The following ROBO1 variants were observed in gnomAD, a reference collection of about 807,000 sequenced individuals.
ROBO1 encodes the protein roundabout homolog 1.
In ROBO1, 149 loss-of-function variants were observed where a neutral mutation model predicts 195.9. That is an observed-to-expected ratio of 0.76 (90% CI 0.67 to 0.87). The LOEUF (loss-of-function observed/expected upper bound fraction) is 0.87, where lower values mean the gene tolerates loss of function less well. Ranked by LOEUF, ROBO1 falls within the 40% of genes least tolerant of loss-of-function variation. The probability of loss-of-function intolerance (pLI) is 0.00; values close to 1 mark genes in which losing one functional copy is unlikely to be tolerated. For synonymous variants in ROBO1, 816 were observed against 733.2 expected (o/e 1.11, Z -1.82); for missense variants, 1,933 against 2,068.3 (o/e 0.93, Z 1.27).
chr3:79,316,397 G>T (rs533700967), intron 2 of ROBO1, among the ~76,000 whole-genome samples: 1 of 152,256 alleles, frequency 6.6e-6, no homozygotes, highest in Admixed American at 6.5e-5. Flanking sequence ...TATTTAATGG[G>T]AATGATTTTC....
At chr3:78,730,273 A>AGAG (rs1356039632) in intron 5 of ROBO1, among the ~76,000 whole-genome samples, 36 of 125,912 alleles carry the variant, frequency 2.9e-4, no homozygotes, top group South Asian at 1.1e-3. Context: ...TCACTACCAA[A>AGAG]TGCTTGCTAA....
chr3:79,276,730 G>C (rs1559784088), intron 2 of ROBO1, among the ~76,000 whole-genome samples: 2 of 151,940 alleles, frequency 1.3e-5, no homozygotes, highest in African/African-American at 2.4e-5. Context: ...CATCTGACAA[G>C]GGATTAATAA....
In ROBO1 at chr3:78,685,912, T is replaced by G; in HGVS notation, c.1176A>C (p.Leu392=). The G allele has an allele frequency of 6.3e-7, 1 of 1,585,494 alleles. No homozygotes were observed. Among genetic ancestry groups the G allele is most frequent in the African/African-American group, 1.3e-5 (1 of 74,568 alleles). The change falls in exon 10 of 31, where the codon CTA becomes CTC. Residue 392 remains leucine, a synonymous_variant. Coordinates refer to ENST00000464233, the MANE Select transcript of ROBO1 (RefSeq NM_002941.4). ...ACTGTGGTGGTTGATATGAGAAAAG[T>G]AGATTCTAGAACCCAGAAATTGGGA... is the stretch of plus-strand genomic sequence containing the variant. ...IFWRREGSQN[L]LFSYQPPQSS...
In ROBO1 at chr3:78,835,995, A is replaced by T. The variant is rs186758116; in HGVS notation, c.500-89095T>A. 1.5e-3 allele frequency among the ~76,000 whole-genome samples: 229 copies of T among 152,314 alleles called. 1 individual carries two copies. Among genetic ancestry groups the T allele is most frequent in the Admixed American group, 2.7e-3 (41 of 15,304 alleles). ...CAAATGTATAGTACACAAATTAGTGATGTGGGATTTTAGTAAAATCAAATG... is the reference window on the plus strand; with the variant it reads ...CAAATGTATAGTACACAAATTAGTGTTGTGGGATTTTAGTAAAATCAAATG... On this transcript the variant is annotated intron_variant, in intron 4 of 30. Transcript: ENST00000464233.
intron 2 of ROBO1, among the ~76,000 whole-genome samples, chr3:79,343,516 T>C (rs1178475976): frequency 1.3e-5 from 2 of 152,164 alleles, no homozygotes; most frequent in East Asian, 3.9e-4. Context: ...GATGCTGAAT[T>C]TTGTGATTAA....
chr3:78,820,193 G>C (rs1247386715), intron 4 of ROBO1, among the ~76,000 whole-genome samples: 1 of 152,152 alleles, frequency 6.6e-6, no homozygotes, highest in Non-Finnish European at 1.5e-5. Flanking sequence ...AGAACAATTT[G>C]CTCACTCTAA....
Position 79,003,151 on chromosome 3 carries a change from T to C in ROBO1, c.173-64224A>G, listed in dbSNP as rs911872412. Reference sequence around the variant, plus strand: ...GCATTTTTGTACAGCATAAACATTATTATATTTTCCTTTGCTGGGATAGAA... The same window carrying C: ...GCATTTTTGTACAGCATAAACATTACTATATTTTCCTTTGCTGGGATAGAA... On this transcript the variant is annotated intron_variant, in intron 3 of 30. Transcript: ENST00000464233. 3.9e-5 allele frequency among the ~76,000 whole-genome samples: 6 copies of C among 152,308 alleles called. No homozygotes were observed. In the East Asian group the frequency reaches 1.2e-3, roughly 29 times the overall value.
chr3:79,082,080 A>G (rs2108464922), intron 3 of ROBO1, among the ~76,000 whole-genome samples: 1 of 152,312 alleles, frequency 6.6e-6, no homozygotes, highest in South Asian at 2.1e-4. Flanking sequence ...CTAACTTTAA[A>G]GTGTCCTTAT....
chr3:78,957,187 A>G (rs893465162), intron 3 of ROBO1, among the ~76,000 whole-genome samples: 1 of 152,018 alleles, frequency 6.6e-6, no homozygotes, highest in African/African-American at 2.4e-5. Context: ...AAATATGGAG[A>G]AAATAAAATT....
chr3:79,089,371 T>C (rs865992557), intron 3 of ROBO1, among the ~76,000 whole-genome samples: 19 of 152,152 alleles, frequency 1.2e-4, no homozygotes, highest in African/African-American at 3.6e-4. Context: ...TGACTAAAAA[T>C]AAACGTCATC....
intron 2 of ROBO1, among the ~76,000 whole-genome samples, chr3:79,152,655 T>G (rs549616051): frequency 3.2e-4 from 48 of 151,818 alleles, no homozygotes; most frequent in Admixed American, 5.9e-4. Context: ...AATATGATCT[T>G]TAGCTTGATG....
chr3:79,563,997 G>T (rs972243136), intron 2 of ROBO1, among the ~76,000 whole-genome samples: 2 of 150,990 alleles, frequency 1.3e-5, no homozygotes, highest in African/African-American at 4.9e-5. Context: ...TCAAATCAAA[G>T]TTACGTAGTG....
intron 5 of ROBO1, among the ~76,000 whole-genome samples, chr3:78,743,795 G>A (rs567626716): frequency 6.6e-5 from 10 of 152,232 alleles, no homozygotes; most frequent in Admixed American, 2.0e-4. Flanking sequence ...TTGCAGAGTG[G>A]TAAAGAGAGT....
At chr3:78,838,578 G>A (rs1304454790) in intron 4 of ROBO1, among the ~76,000 whole-genome samples, 1 of 152,112 alleles carries the variant, frequency 6.6e-6, no homozygotes, top group Admixed American at 6.5e-5. Context: ...GGTAGGAGGG[G>A]AAGCAAGAGA....
intron 9 of ROBO1, 46 bp from the exon 10 acceptor site, chr3:78,685,963 T>C: frequency 6.8e-7 from 1 of 1,464,558 alleles, no homozygotes; most frequent in Non-Finnish European, 9.2e-7. Flanking sequence ...ATAGGTTAAT[T>C]GTTAGGTTCC....
intron 4 of ROBO1, among the ~76,000 whole-genome samples, chr3:78,834,164 A>C (rs1468422876): frequency 6.6e-6 from 1 of 152,110 alleles, no homozygotes; most frequent in Non-Finnish European, 1.5e-5. Context: ...GTGTTGACCG[A>C]AACAAGATTA....
intron 4 of ROBO1, among the ~76,000 whole-genome samples, chr3:78,804,511 C>T (rs958642528): frequency 9.2e-5 from 14 of 152,006 alleles, no homozygotes; most frequent in African/African-American, 3.1e-4. Context: ...AAGTGGCTTC[C>T]TTTTATTCCC....
At chr3:79,197,644 C>T (rs1195843881) in intron 2 of ROBO1, among the ~76,000 whole-genome samples, 1 of 152,104 alleles carries the variant, frequency 6.6e-6, no homozygotes, top group East Asian at 1.9e-4. Flanking sequence ...ACCTAGTTTA[C>T]ACTCACACCA....
At chr3:78,602,290 C>T (rs1703221669) in intron 29 of ROBO1, among the ~76,000 whole-genome samples, 1 of 150,636 alleles carries the variant, frequency 6.6e-6, no homozygotes, top group Non-Finnish European at 1.5e-5. Context: ...CTCCATCCCA[C>T]TCTCTCTCTC....
Sources: gnomAD v4.1 joint callset for allele counts (sites outside exome capture counted in the v4.1 genomes callset) on GRCh38, gnomAD v4.1.1 for gene constraint, MANE v1.5 for transcripts, NCBI Gene and HGNC (gene_info 2026-07-23, HGNC 2026-07-21) for gene names.